Variants in TBC1D32 observed in about 807,000 individuals in gnomAD.
TBC1D32 encodes protein broad-minded.
TBC1D32 carries 151 observed loss-of-function variants against 170.3 expected under a neutral mutation model. The ratio of observed to expected loss-of-function variants is 0.89; its 90% CI spans 0.78 to 1.01. The LOEUF is 1.01. Ranked by LOEUF, TBC1D32 falls within the 50% of genes least tolerant of loss-of-function variation. The pLI, the probability that TBC1D32 is intolerant of heterozygous loss-of-function variation, is 0.00. For synonymous variants in TBC1D32, 498 were observed against 488.0 expected (o/e 1.02, Z -0.27); for missense variants, 1,464 against 1,457.1 (o/e 1.00, Z -0.08).
intron 15 of TBC1D32, among the ~76,000 whole-genome samples, chr6:121,272,707 A>C (rs374893246): frequency 1.3e-4 from 20 of 152,068 alleles, no homozygotes; most frequent in African/African-American, 4.6e-4. Context: ...GTGGCAATTC[A>C]TCAAGGATCT....
chr6:121,313,108 GTGTGTGTGTGTGT>G (rs1168793330), intron 3 of TBC1D32, among the ~76,000 whole-genome samples: 20 of 1,302 alleles, frequency 0.015, no homozygotes, highest in African/African-American at 0.024. Flanking sequence ...CTAAGGTGGT[GTGTGTGTGTGTGT>G]GTGTGTGTGT....
rs185093433 is a variant in TBC1D32 at position 121,205,118 on chromosome 6, G to T, written c.2527C>A (p.Arg843Ser). ...GATTGTTCATAGTTGAATAAAGAAC[G>T]AATCTTAGCTTCAGAATTCAAAATT... is the stretch of plus-strand genomic sequence containing the variant. ...LIILNSEAKI[R>S]SLFNYEQSHI... The change falls in exon 22 of 32, where the codon CGT (arginine) becomes AGT (serine). Residue 843 changes from arginine (R) to serine (S), a missense_variant. Arg to Ser is a moderately radical substitution (Grantham distance 110). Coordinates refer to ENST00000398212, the MANE Select transcript of TBC1D32 (RefSeq NM_152730.6). The T allele has an allele frequency of 7.8e-6, 12 of 1,531,606 alleles. No individual in the cohort carries two copies. Among genetic ancestry groups the T allele is most frequent in the South Asian group, 1.2e-5 (1 of 81,396 alleles). 94.9% of individuals were successfully genotyped at this position (1,531,606 alleles called of 1,614,324 possible). A position where few individuals can be genotyped will look rare whatever the true frequency, so the allele number is the denominator to read the frequency against.
chr6:121,318,316 A>G (rs1809213789), intron 2 of TBC1D32, among the ~76,000 whole-genome samples: 1 of 152,110 alleles, frequency 6.6e-6, no homozygotes. Flanking sequence ...AGGTCTAAAA[A>G]TCTCAAAAAG....
intron 30 of TBC1D32, among the ~76,000 whole-genome samples, chr6:121,101,689 G>A (rs1778085094): frequency 6.6e-6 from 1 of 152,148 alleles, no homozygotes; most frequent in Admixed American, 6.6e-5. Flanking sequence ...AGACAGGGAT[G>A]CCCTCTCTCA....
chr6:121,088,573 T>C (rs958210732), intron 31 of TBC1D32, among the ~76,000 whole-genome samples: 7 of 152,088 alleles, frequency 4.6e-5, no homozygotes, highest in Non-Finnish European at 8.8e-5. Flanking sequence ...TTAAATAAAC[T>C]ATACCAGAGT....
At chr6:121,188,386 T>A (rs1198798128) in intron 22 of TBC1D32, among the ~76,000 whole-genome samples, 1 of 152,086 alleles carries the variant, frequency 6.6e-6, no homozygotes, top group East Asian at 1.9e-4. Flanking sequence ...GGATACATAG[T>A]CATAACATAC....
chr6:121,241,627 G>T (rs1583356970), intron 18 of TBC1D32, 75 bp from the exon 19 acceptor site: 6 of 1,210,270 alleles, frequency 5.0e-6, no homozygotes, highest in Non-Finnish European at 7.2e-6. Context: ...CTTCAAGATG[G>T]TAAGAACTGC....
At position 121,205,154 on chromosome 6, in the gene TBC1D32, C is replaced by A; in HGVS notation, c.2491G>T (p.Asp831Tyr). The change falls in exon 22 of 32, where the codon GAT becomes TAT. Residue 831 changes from aspartate to tyrosine, a missense_variant. By Grantham distance (160) the Asp-to-Tyr change is radical. Coordinates refer to ENST00000398212, the MANE Select transcript of TBC1D32 (RefSeq NM_152730.6). ...TCAGAATTCAAAATTATAAGTCTAT[C>A]AATAATATCCTGAAAAAGACAGACA... ...EVPTCVIDII[D>Y]RLIILNSEAK... 7.0e-7 allele frequency: 1 copy of A among 1,433,880 alleles called. No individual in the cohort carries two copies. The highest frequency in any genetic ancestry group is 1.3e-5 in the South Asian group (1 of 75,396). 88.8% of individuals were successfully genotyped at this position (1,433,880 alleles called of 1,614,324 possible).
intron 31 of TBC1D32, among the ~76,000 whole-genome samples, chr6:121,081,615 T>C (rs923376267): frequency 1.3e-5 from 2 of 151,944 alleles, no homozygotes; most frequent in Non-Finnish European, 2.9e-5. Flanking sequence ...CAGGAGTTTA[T>C]AGTTTAAAGG....
intron 30 of TBC1D32, among the ~76,000 whole-genome samples, chr6:121,105,599 T>TC (rs1411057195): frequency 1.3e-5 from 2 of 151,888 alleles, no homozygotes; most frequent in Non-Finnish European, 2.9e-5. Flanking sequence ...GAAAAAAACA[T>TC]TAAGCCTTCC....
Position 121,080,329 on chromosome 6 carries a change from T to C in TBC1D32, c.*442A>G, listed in dbSNP as rs539489643. On this transcript the variant is annotated 3_prime_UTR_variant, in exon 32 of 32. Transcript: ENST00000398212. ...GCCTCCCGGGTTCAAGCGATTCTCC[T>C]GCCTCAGCCTCCCAAGTAGCAGGGA... The C allele has an allele frequency of 4.2e-5, 13 of 312,366 alleles. No homozygotes were observed. Among genetic ancestry groups the C allele is most frequent in the South Asian group, 3.0e-4 (12 of 39,370 alleles). The allele number at this position is 312,366 out of a possible 1,614,324, so 19.3% of individuals were successfully genotyped here. A position where few individuals can be genotyped will look rare whatever the true frequency, so the allele number is the denominator to read the frequency against.
chr6:121,289,830 TCAGA>T, intron 12 of TBC1D32, among the ~76,000 whole-genome samples: 1 of 152,160 alleles, frequency 6.6e-6, no homozygotes, highest in Non-Finnish European at 1.5e-5. Flanking sequence ...AACAGAGCCC[TCAGA>T]AATAATGCCG....
chr6:121,148,152 C>T (rs1357029176), intron 24 of TBC1D32, among the ~76,000 whole-genome samples: 1 of 151,984 alleles, frequency 6.6e-6, no homozygotes, highest in Admixed American at 6.6e-5. Flanking sequence ...CAACCCCCGA[C>T]AGGCCCCAGT....
intron 3 of TBC1D32, among the ~76,000 whole-genome samples, chr6:121,314,262 G>T (rs1169776223): frequency 6.6e-6 from 1 of 152,126 alleles, no homozygotes; most frequent in Non-Finnish European, 1.5e-5. Context: ...ACTCTCCTGG[G>T]TTTCTCTTAC....
At chr6:121,154,801 G>C (rs977614179) in intron 24 of TBC1D32, among the ~76,000 whole-genome samples, 3 of 152,010 alleles carry the variant, frequency 2.0e-5, no homozygotes, top group African/African-American at 7.2e-5. Flanking sequence ...ATCTGAAAAA[G>C]GTCTAATAGT....
intron 24 of TBC1D32, among the ~76,000 whole-genome samples, chr6:121,135,694 A>G (rs918308880): frequency 6.6e-6 from 1 of 152,178 alleles, no homozygotes; most frequent in Non-Finnish European, 1.5e-5. Flanking sequence ...AAATTTCACA[A>G]GGCTGAGAAA....
chr6:121,307,705 C>G (rs538263581), intron 5 of TBC1D32, among the ~76,000 whole-genome samples: 9 of 152,062 alleles, frequency 5.9e-5, no homozygotes, highest in African/African-American at 2.2e-4. Context: ...GCTAAAAATA[C>G]AAAAATTAGC....
chr6:121,277,487 C>CAAAAAAAAAA (rs755504493), intron 15 of TBC1D32, among the ~76,000 whole-genome samples: 1 of 28,216 alleles, frequency 3.5e-5, no homozygotes, highest in Non-Finnish European at 7.0e-5. Context: ...GACTCCATCT[C>CAAAAAAAAAA]AAAAAAAAAA....
intron 29 of TBC1D32, among the ~76,000 whole-genome samples, chr6:121,108,511 C>T (rs149114904): frequency 1.1e-4 from 16 of 152,022 alleles, no homozygotes; most frequent in African/African-American, 3.6e-4. Flanking sequence ...ATATAAACTA[C>T]GCTAAGACAA....
Sources: gnomAD v4.1 joint callset for allele counts (sites outside exome capture counted in the v4.1 genomes callset) on GRCh38, gnomAD v4.1.1 for gene constraint, MANE v1.5 for transcripts, NCBI Gene and HGNC (gene_info 2026-07-23, HGNC 2026-07-21) for gene names.